The following FGF14 variants were observed in gnomAD, a reference collection of about 807,000 sequenced individuals.
FGF14 encodes the protein fibroblast growth factor homologous factor 4.
Under a neutral mutation model 25.5 loss-of-function variants are expected in FGF14, and 5 were observed. That is an observed-to-expected ratio of 0.20 (90% CI 0.10 to 0.41). The LOEUF (loss-of-function observed/expected upper bound fraction) is 0.41. FGF14 is among the 10% of genes least tolerant of loss of function. The pLI is 1.00. For synonymous variants in FGF14, 138 were observed against 118.3 expected (o/e 1.17, Z -1.08); for missense variants, 222 against 320.1 (o/e 0.69, Z 2.34).
chr13:102,200,424 C>T (rs1365282625), intron 1 of FGF14, among the ~76,000 whole-genome samples: 1 of 152,064 alleles, frequency 6.6e-6, no homozygotes, highest in Non-Finnish European at 1.5e-5. Flanking sequence ...TCATTTATAT[C>T]TTTCTCTTTC....
At chr13:102,063,485 G>T (rs887514969) in intron 1 of FGF14, among the ~76,000 whole-genome samples, 1 of 151,944 alleles carries the variant, frequency 6.6e-6, no homozygotes, top group African/African-American at 2.4e-5. Context: ...GCGTAGTGGT[G>T]CACACCTGTA....
At position 101,711,460 on chromosome 13, in the gene FGF14, T is replaced by G. The variant is rs2034464253; in HGVS notation, c.*11371A>C. 6.6e-6 allele frequency: 1 copy of G among 152,226 alleles called. No individual in the cohort carries two copies. The highest frequency in any genetic ancestry group is 2.4e-5 in the African/African-American group (1 of 41,412). 9.4% of individuals were successfully genotyped at this position (152,226 alleles called of 1,614,324 possible). ...AATCGGCCTCAGCCTGGTGTTCAAG[T>G]TGCCTCGCTCAATATGCCTGTGCAG... is the stretch of plus-strand genomic sequence containing the variant. On this transcript the variant is annotated 3_prime_UTR_variant, in exon 5 of 5. Transcript: ENST00000376143.
At chr13:101,937,391 C>T (rs2035172398) in intron 1 of FGF14, among the ~76,000 whole-genome samples, 1 of 152,076 alleles carries the variant, frequency 6.6e-6, no homozygotes, top group African/African-American at 2.4e-5. Context: ...TGTAATCTGA[C>T]TGGTGTTCAC....
chr13:101,979,335 T>C (rs1340534583), intron 1 of FGF14, among the ~76,000 whole-genome samples: 1 of 152,186 alleles, frequency 6.6e-6, no homozygotes, highest in Non-Finnish European at 1.5e-5. Flanking sequence ...GGGACTGACA[T>C]TTACTATGGC....
At chr13:102,207,438 C>T (rs2049974944) in intron 1 of FGF14, among the ~76,000 whole-genome samples, 1 of 150,976 alleles carries the variant, frequency 6.6e-6, no homozygotes, top group South Asian at 2.1e-4. Context: ...AAAAAATGGT[C>T]ATCAAAGAAA....
chr13:102,006,079 A>G (rs2039767507), intron 1 of FGF14, among the ~76,000 whole-genome samples: 1 of 152,208 alleles, frequency 6.6e-6, no homozygotes, highest in Non-Finnish European at 1.5e-5. Context: ...AGTACTAGGT[A>G]CAAGTTCTTA....
At chr13:102,326,677 AGGGAAGGGAAGGGAAG>A (rs1178780697) in intron 1 of FGF14, among the ~76,000 whole-genome samples, 3 of 57,132 alleles carry the variant, frequency 5.3e-5, no homozygotes, top group East Asian at 5.3e-4. Flanking sequence ...GGGGAAGGGA[AGGGAAGGGAAGGGAAG>A]GGAAGGAAGG....
intron 1 of FGF14, among the ~76,000 whole-genome samples, chr13:102,024,696 C>G (rs946575569): frequency 6.6e-6 from 1 of 151,916 alleles, no homozygotes; most frequent in African/African-American, 2.4e-5. Flanking sequence ...AATTTACTAT[C>G]ATGAATATGT....
At chr13:101,768,428 C>A (rs1298831741) in intron 3 of FGF14, among the ~76,000 whole-genome samples, 1 of 152,106 alleles carries the variant, frequency 6.6e-6, no homozygotes, top group African/African-American at 2.4e-5. Context: ...CAATCCCAAT[C>A]AAAATCCCAG....
intron 1 of FGF14, among the ~76,000 whole-genome samples, chr13:102,351,474 G>T (rs1176506739): frequency 6.6e-6 from 1 of 152,196 alleles, no homozygotes; most frequent in African/African-American, 2.4e-5. Context: ...AGGGTTTTGT[G>T]GGTGTATTAG....
At chr13:102,159,139 C>CAAAAA (rs1228096265) in intron 1 of FGF14, among the ~76,000 whole-genome samples, 21 of 73,502 alleles carry the variant, frequency 2.9e-4, no homozygotes, top group South Asian at 1.4e-3. Flanking sequence ...GACTCTGTCT[C>CAAAAA]AAAAAAAAAA....
At chr13:101,785,979 A>G (rs1017594355) in intron 3 of FGF14, among the ~76,000 whole-genome samples, 1 of 152,216 alleles carries the variant, frequency 6.6e-6, no homozygotes, top group Non-Finnish European at 1.5e-5. Flanking sequence ...CATGTTCCTG[A>G]AGACCCTTCT....
At chr13:101,909,342 T>C (rs1165089346) in intron 1 of FGF14, among the ~76,000 whole-genome samples, 8 of 152,172 alleles carry the variant, frequency 5.3e-5, no homozygotes, top group Non-Finnish European at 7.3e-5. Flanking sequence ...AATCTACTCA[T>C]CTGACAAAGG....
At chr13:101,877,648 A>T (rs1002709958) in intron 1 of FGF14, among the ~76,000 whole-genome samples, 3 of 152,204 alleles carry the variant, frequency 2.0e-5, no homozygotes, top group Non-Finnish European at 2.9e-5. Context: ...TCTTTAAAAA[A>T]CCAAAACCAA....
intron 1 of FGF14, among the ~76,000 whole-genome samples, chr13:101,954,375 T>C (rs2036377101): frequency 6.6e-6 from 1 of 152,140 alleles, no homozygotes; most frequent in African/African-American, 2.4e-5. Context: ...ATAATGTCCC[T>C]GGTCTAAAGT....
upstream of FGF14, among the ~76,000 whole-genome samples, chr13:101,918,831 A>G (rs538500397): frequency 6.6e-6 from 1 of 152,346 alleles, no homozygotes; most frequent in African/African-American, 2.4e-5. Context: ...GTCATATATT[A>G]CAAAGTGTAC....
chr13:102,321,104 T>C (rs890849210), intron 1 of FGF14, among the ~76,000 whole-genome samples: 7 of 152,180 alleles, frequency 4.6e-5, no homozygotes, highest in African/African-American at 1.7e-4. Flanking sequence ...AATTTGCAAG[T>C]CAGGAGGCCA....
chr13:102,167,950 A>T (rs2048091905), intron 1 of FGF14, among the ~76,000 whole-genome samples: 1 of 152,098 alleles, frequency 6.6e-6, no homozygotes, highest in African/African-American at 2.4e-5. Flanking sequence ...ATACACACAC[A>T]CATCTCTAAT....
chr13:101,888,247 T>G (rs2046093839), intron 1 of FGF14, among the ~76,000 whole-genome samples: 1 of 152,136 alleles, frequency 6.6e-6, no homozygotes, highest in Admixed American at 6.6e-5. Context: ...GGAGTCACAT[T>G]TTAGAGAACA....
Sources: gnomAD v4.1 joint callset for allele counts (sites outside exome capture counted in the v4.1 genomes callset) on GRCh38, gnomAD v4.1.1 for gene constraint, MANE v1.5 for transcripts, NCBI Gene and HGNC (gene_info 2026-07-23, HGNC 2026-07-21) for gene names.